The following EIF2D variants were observed in gnomAD, a reference collection of about 807,000 sequenced individuals.
EIF2D encodes hepatocellular carcinoma-associated antigen 56.
Under a neutral mutation model 77.4 loss-of-function variants are expected in EIF2D, and 56 were observed. That is an observed-to-expected ratio of 0.72 (90% CI 0.58 to 0.90). The LOEUF (loss-of-function observed/expected upper bound fraction) is 0.90. EIF2D is among the 40% of genes least tolerant of loss of function. EIF2D has a pLI of 0.00. For missense variants in EIF2D, 574 were observed against 706.5 expected (o/e 0.81, Z 2.13); for synonymous variants, 230 against 271.0 (o/e 0.85, Z 1.49).
At chr1:206,573,733 C>T (rs1280789241) in intron 4 of EIF2D, among the ~76,000 whole-genome samples, 1 of 151,926 alleles carries the variant, frequency 6.6e-6, no homozygotes. Flanking sequence ...AGTAGCCAGG[C>T]GTAGTGGCTC....
rs560990870 is a variant in EIF2D at position 206,592,337 on chromosome 1, A to C, written c.1685-492T>G. On this transcript the variant is annotated intron_variant, in intron 14 of 14. Coordinates refer to ENST00000271764, the MANE Select transcript of EIF2D (RefSeq NM_006893.3). The surrounding 1 kb of genome is among the most constrained non-coding windows in gnomAD (Gnocchi z 4.7). ...AAAATTAGCCAAGCTGCAGACATTA[A>C]CCGGAAATATAAACACAATTGGAAA... 6.2e-4 allele frequency among the ~76,000 whole-genome samples: 95 copies of C among 152,332 alleles called. 1 individual carries two copies. In the South Asian group the frequency reaches 7.0e-3, roughly 11 times the overall value.
chr1:206,585,183 T>A, intron 2 of EIF2D: 1 of 1,613,472 alleles, frequency 6.2e-7, no homozygotes, highest in South Asian at 1.1e-5. Context: ...TTTGCAGTGC[T>A]CTTCCAGAAA....
At chr1:206,602,284 C>T in intron 7 of EIF2D, 52 bp downstream of exon 7, 1 of 1,444,824 alleles carries the variant, frequency 6.9e-7, no homozygotes, top group Non-Finnish European at 9.7e-7. Context: ...TACCAAGGAG[C>T]ACACGTGAGA....
intron 4 of EIF2D, among the ~76,000 whole-genome samples, chr1:206,607,942 TCTA>T (rs1670278512): frequency 6.6e-6 from 1 of 152,094 alleles, no homozygotes; most frequent in Non-Finnish European, 1.5e-5. Context: ...ATTTCAGAAC[TCTA>T]CTATCTTTGC....
intron 12 of EIF2D, among the ~76,000 whole-genome samples, chr1:206,596,117 C>T (rs929066283): frequency 2.0e-5 from 3 of 152,216 alleles, no homozygotes; most frequent in Non-Finnish European, 4.4e-5. Flanking sequence ...CCCCTGGAAA[C>T]GGTCCACTGA....
chr1:206,603,204 C>A lies in EIF2D; in HGVS notation c.531G>T (p.Trp177Cys). Reference sequence around the variant, plus strand: ...GTGGAGAGGACTTGTTTCCAGACCGCCTGGAAAAATCTCATGTCAGAAACA... The same window carrying A: ...GTGGAGAGGACTTGTTTCCAGACCGACTGGAAAAATCTCATGTCAGAAACA... ...SVLHTYQDHL[W>C]RSGNKSSPPS... is the part of the protein sequence containing the mutation. Residue 177 changes from tryptophan to cysteine, a missense_variant and splice_region_variant, in exon 6 of 15, where the codon TGG (tryptophan) becomes TGT (cysteine). By Grantham distance (215) the Trp-to-Cys change is radical. Coordinates refer to ENST00000271764, the MANE Select transcript of EIF2D (RefSeq NM_006893.3). 1 of 1,612,106 alleles carries A rather than the reference C, an allele frequency of 6.2e-7. No individual in the cohort carries two copies. The highest frequency in any genetic ancestry group is 1.1e-5 in the South Asian group (1 of 91,034).
At chr1:206,585,671 GTT>G (rs1291560894) in intron 2 of EIF2D, 2 of 167,350 alleles carry the variant, frequency 1.2e-5, no homozygotes, top group Non-Finnish European at 2.6e-5. Context: ...GGGTATAGAC[GTT>G]TTTGAGCCAT....
Position 206,592,769 on chromosome 1 carries a change from A to G in EIF2D, c.1684+850T>C, listed in dbSNP as rs782232812. Among the ~76,000 whole-genome samples, 19 of 152,196 alleles carry G rather than the reference A, an allele frequency of 1.2e-4. No individual in the cohort carries two copies. Among genetic ancestry groups the G allele is most frequent in the Non-Finnish European group, 2.5e-4 (17 of 68,044 alleles). On this transcript the variant is annotated intron_variant, in intron 14 of 14. Transcript: ENST00000271764. This position sits in a 1 kb window ranked among gnomAD's most constrained non-coding sequence, Gnocchi z 4.7. ...ATGTGAAGGCTGGTTTGAAGTGAGG[A>G]AAAACGGGAGGCTGGGTTACCCAGA...
Position 206,600,305 on chromosome 1 carries a change from G to C in EIF2D, c.906C>G (p.Pro302=), listed in dbSNP as rs6662929. 6.2e-7 allele frequency: 1 copy of C among 1,613,604 alleles called. No homozygotes were observed. The highest frequency in any genetic ancestry group is 1.7e-5 in the Admixed American group (1 of 59,950). ...TCTTTATGTCCAGTTGTCGTCCTTC[G>C]GGGCTGATGGCAGATGGAAAAGGCA... ...FLGSHMFSCC[P]EGRQLDIKKS... The change falls in exon 8 of 15, where the codon CCC becomes CCG. Residue 302 remains proline, a synonymous_variant. Coordinates refer to ENST00000271764, the MANE Select transcript of EIF2D (RefSeq NM_006893.3).
At chr1:206,595,600 A>T in intron 13 of EIF2D, 118 bp downstream of exon 13, 1 of 1,310,470 alleles carries the variant, frequency 7.6e-7, no homozygotes, top group Non-Finnish European at 1.0e-6. Context: ...GGTGTTTCAT[A>T]AAAAAATCTT....
At chr1:206,574,666 T>C (rs782617695) in intron 4 of EIF2D, among the ~76,000 whole-genome samples, 4 of 152,104 alleles carry the variant, frequency 2.6e-5, no homozygotes, top group Non-Finnish European at 5.9e-5. Context: ...CCAACCCTTT[T>C]AATTTTGGGA....
chr1:206,604,022 C>T (rs991277909), intron 5 of EIF2D, among the ~76,000 whole-genome samples: 2 of 152,206 alleles, frequency 1.3e-5, no homozygotes, highest in South Asian at 4.1e-4. Context: ...ACCTTGATTG[C>T]TGTTGCCCAG....
chr1:206,587,253 CACCA>C (rs1226050316), downstream of EIF2D: 4 of 411,406 alleles, frequency 9.7e-6, no homozygotes, highest in East Asian at 2.1e-4. Flanking sequence ...GCAAGCCTTT[CACCA>C]ACCAAATAGT....
At chr1:206,577,469 C>T (rs1164918622) in intron 4 of EIF2D, among the ~76,000 whole-genome samples, 1 of 152,184 alleles carries the variant, frequency 6.6e-6, no homozygotes, top group Non-Finnish European at 1.5e-5. Context: ...CACATCAATC[C>T]TGTGAGACAA....
At chr1:206,593,882 GC>G in intron 13 of EIF2D, 89 bp from the exon 14 acceptor site, 1 of 1,228,170 alleles carries the variant, frequency 8.1e-7, no homozygotes, top group Non-Finnish European at 1.1e-6. Flanking sequence ...AGCCTTCTGA[GC>G]CCCTGTGTTC....
chr1:206,593,576 C>G, intron 14 of EIF2D, 43 bp downstream of exon 14: 1 of 1,492,974 alleles, frequency 6.7e-7, no homozygotes, highest in Non-Finnish European at 9.1e-7. Flanking sequence ...AAGGTCTTTG[C>G]TGAGCTAGAC....
At position 206,581,922 on chromosome 1, in the gene EIF2D, TC is replaced by T. The variant is rs35449258; in HGVS notation, c.139-761del. 6.5e-3 allele frequency among the ~76,000 whole-genome samples: 984 copies of T among 152,152 alleles called. 28 individuals carry two copies. Among genetic ancestry groups the T allele is most frequent in the East Asian group, 0.052 (267 of 5,156 alleles). ...TGTTCCGCGGGGTGGTGATGTGACG[TC>T]GCGGCAGCTGTGAAATTCCCCAGCC... On this transcript the variant is annotated intron_variant and NMD_transcript_variant, in intron 2 of 5. Coordinates refer to the EIF2D transcript ENST00000472709.
chr1:206,586,789 T>A (rs1669134046), downstream of EIF2D: 11 of 1,555,580 alleles, frequency 7.1e-6, no homozygotes, highest in Middle Eastern at 3.4e-4. Context: ...TGTCTCCTAT[T>A]CTGTTTCTTC....
chr1:206,586,842 T>A, downstream of EIF2D: 1 of 1,613,872 alleles, frequency 6.2e-7, no homozygotes, highest in Non-Finnish European at 8.5e-7. Flanking sequence ...GCCTTCTCCA[T>A]CCCTGAACTT....
Sources: gnomAD v4.1 joint callset for allele counts (sites outside exome capture counted in the v4.1 genomes callset) on GRCh38, gnomAD v4.1.1 for gene constraint, Gnocchi (gnomAD v3.1) non-coding constraint, MANE v1.5 for transcripts, NCBI Gene and HGNC (gene_info 2026-07-23, HGNC 2026-07-21) for gene names.